The following DCDC2C variants were observed in gnomAD, a reference collection of about 807,000 sequenced individuals.
The protein encoded by DCDC2C is doublecortin domain-containing protein 2C.
A neutral mutation model predicts 45.0 loss-of-function variants in DCDC2C; 44 were observed. The observed-to-expected ratio is 0.98, with a 90% CI of 0.77 to 1.26. DCDC2C has a LOEUF of 1.26. DCDC2C is among the 50% of genes most tolerant of loss of function. DCDC2C has a pLI of 0.00. For synonymous variants in DCDC2C, 187 were observed against 178.8 expected, an observed-to-expected ratio of 1.05 and a Z score of -0.37; for missense variants, 447 against 468.9, an observed-to-expected ratio of 0.95 and a Z score of 0.43.
Position 3,778,854 on chromosome 2 carries a change from T to C in DCDC2C, c.993T>C (p.His331=), listed in dbSNP as rs765770906. 51 of 1,551,010 alleles carry C rather than the reference T, an allele frequency of 3.3e-5. No homozygotes were observed. The highest frequency in any genetic ancestry group is 4.0e-5 in the Non-Finnish European group (46 of 1,147,110). The stretch of plus-strand genomic sequence containing the variant: ...TAGTTAAAGAAGATGAAGAGATACA[T>C]GAGAACACCCCTGATTTTGAGGGCA... ...AEIVKEDEEI[H]ENTPDFEGNK... Residue 331 remains histidine (H), a synonymous_variant, in exon 9 of 11, where the codon CAT becomes CAC. Transcript: ENST00000399143.
chr2:3,762,494 T>G (rs1242608553), intron 6 of DCDC2C, among the ~76,000 whole-genome samples: 1 of 152,194 alleles, frequency 6.6e-6, no homozygotes, highest in African/African-American at 2.4e-5. Context: ...TAGCATCTGC[T>G]TAGCTTCTGG....
At chr2:3,714,371 T>C (rs1668295435) in intron 2 of DCDC2C, among the ~76,000 whole-genome samples, 1 of 152,222 alleles carries the variant, frequency 6.6e-6, no homozygotes. Context: ...AAAGTGTCCT[T>C]GGTCTTAATT....
intron 10 of DCDC2C, among the ~76,000 whole-genome samples, chr2:3,812,897 G>A (rs1057136217): frequency 2.0e-4 from 31 of 152,074 alleles, no homozygotes; most frequent in African/African-American, 6.7e-4. Context: ...TTTTGAGTGA[G>A]TTTCTTAATT....
intron 10 of DCDC2C, among the ~76,000 whole-genome samples, chr2:3,819,005 T>C (rs1363129897): frequency 1.3e-5 from 2 of 152,096 alleles, no homozygotes; most frequent in African/African-American, 4.8e-5. Context: ...CCACAACAGC[T>C]ATGGAAGCAA....
chr2:3,777,749 C>T (rs12711973), intron 8 of DCDC2C, among the ~76,000 whole-genome samples: 1 of 152,064 alleles, frequency 6.6e-6, no homozygotes, highest in Non-Finnish European at 1.5e-5. Context: ...CATACCTACA[C>T]GTCTGCCTCG....
At chr2:3,762,061 A>T (rs1212002979) in intron 6 of DCDC2C, among the ~76,000 whole-genome samples, 1 of 151,880 alleles carries the variant, frequency 6.6e-6, no homozygotes, top group African/African-American at 2.4e-5. Flanking sequence ...AGGGCTTGAG[A>T]CTTGAGACGG....
intron 10 of DCDC2C, among the ~76,000 whole-genome samples, chr2:3,825,569 C>T (rs1363116218): frequency 6.6e-6 from 1 of 152,284 alleles, no homozygotes; most frequent in Non-Finnish European, 1.5e-5. Flanking sequence ...GACAGGATGG[C>T]AGTGGAGAGC....
In DCDC2C at chr2:3,732,423, T is replaced by C. The variant is rs80143180; in HGVS notation, c.416+5344T>C. 4.4e-3 allele frequency among the ~76,000 whole-genome samples: 673 copies of C among 152,134 alleles called. 18 individuals carry two copies. In the East Asian group the frequency reaches 0.089, roughly 20 times the overall value. On this transcript the variant is annotated intron_variant, in intron 3 of 10. Coordinates refer to ENST00000399143, the MANE Select transcript of DCDC2C (RefSeq NM_001287444.2). Reference sequence around the variant, plus strand: ...TTCCAGTCGGAATCATATCTATGTATATATGATATAATATATATATATTTA... The same window carrying C: ...TTCCAGTCGGAATCATATCTATGTACATATGATATAATATATATATATTTA...
At chr2:3,706,553 C>CGT (rs10640168) in intron 1 of DCDC2C, among the ~76,000 whole-genome samples, 70,365 of 151,566 alleles carry the variant, frequency 0.46, 16,477 homozygotes, top group African/African-American at 0.5. Flanking sequence ...CATGTGTGTG[C>CGT]GTGTGTGTGT....
chr2:3,782,200 T>C (rs577666028), intron 9 of DCDC2C, among the ~76,000 whole-genome samples: 20 of 152,294 alleles, frequency 1.3e-4, no homozygotes, highest in African/African-American at 4.8e-4. Context: ...CTGAAGGAGC[T>C]GTTCAGATGC....
chr2:3,822,927 A>G (rs1183642706), intron 10 of DCDC2C, among the ~76,000 whole-genome samples: 1 of 152,092 alleles, frequency 6.6e-6, no homozygotes, highest in Non-Finnish European at 1.5e-5. Context: ...TGATGGTTTT[A>G]TAAGTGGGAG....
At chr2:3,705,091 C>G (rs1403943193) in intron 1 of DCDC2C, among the ~76,000 whole-genome samples, 1 of 152,140 alleles carries the variant, frequency 6.6e-6, no homozygotes, top group Admixed American at 6.5e-5. Context: ...TTCAAATGCT[C>G]TCCGTTCAAA....
chr2:3,711,498 A>G (rs111520307), intron 2 of DCDC2C, among the ~76,000 whole-genome samples: 7,754 of 152,256 alleles, frequency 0.051, 273 homozygotes, highest in East Asian at 0.14. Context: ...TTGCAGGGAC[A>G]TGGATGGAGT....
chr2:3,823,229 A>T (rs1671736308), intron 10 of DCDC2C, among the ~76,000 whole-genome samples: 1 of 151,494 alleles, frequency 6.6e-6, no homozygotes, highest in Admixed American at 6.6e-5. Context: ...TTCCTCTCTG[A>T]TCTATTTTTT....
At chr2:3,704,878 C>T (rs1023408484) in intron 1 of DCDC2C, among the ~76,000 whole-genome samples, 2 of 152,224 alleles carry the variant, frequency 1.3e-5, no homozygotes, top group East Asian at 1.9e-4. Flanking sequence ...TGCCCTCCCA[C>T]GGTTTGTGTC....
intron 8 of DCDC2C, among the ~76,000 whole-genome samples, chr2:3,774,167 C>T (rs1329226044): frequency 1.3e-5 from 2 of 152,208 alleles, no homozygotes; most frequent in African/African-American, 4.8e-5. Context: ...CCTAATGAAG[C>T]TTTAGGCTTT....
chr2:3,757,558 A>G (rs1157433345), intron 6 of DCDC2C, among the ~76,000 whole-genome samples: 1 of 152,226 alleles, frequency 6.6e-6, no homozygotes, highest in Non-Finnish European at 1.5e-5. Context: ...CCCACAGGAT[A>G]TCAGGCCGGA....
At chr2:3,816,870 A>G (rs534624554) in intron 10 of DCDC2C, among the ~76,000 whole-genome samples, 7 of 152,342 alleles carry the variant, frequency 4.6e-5, no homozygotes, top group African/African-American at 1.7e-4. Flanking sequence ...AGCAGATGGA[A>G]CACTGAGAAG....
intron 10 of DCDC2C, among the ~76,000 whole-genome samples, chr2:3,829,412 A>T (rs1248401721): frequency 6.6e-6 from 1 of 151,874 alleles, no homozygotes. Flanking sequence ...ATTGTCATTC[A>T]AAAAGCTACT....
Sources: gnomAD v4.1 joint callset for allele counts (sites outside exome capture counted in the v4.1 genomes callset) on GRCh38, gnomAD v4.1.1 for gene constraint, MANE v1.5 for transcripts, NCBI Gene and HGNC (gene_info 2026-07-23, HGNC 2026-07-21) for gene names.